RNLS: variants seen among roughly 807,000 people sequenced by gnomAD.
The protein encoded by RNLS is renalase.
Under a neutral mutation model 39.8 loss-of-function variants are expected in RNLS, and 39 were observed. That is an observed-to-expected ratio of 0.98 (90% CI 0.76 to 1.28). The LOEUF is 1.28. RNLS is among the 50% of genes most tolerant of loss of function. RNLS has a pLI of 0.00. For missense variants in RNLS, 410 were observed against 413.3 expected (o/e 0.99, Z 0.07); for synonymous variants, 147 against 150.7 (o/e 0.98, Z 0.18).
At chr10:88,504,470 TA>T (rs1845676663) in intron 4 of RNLS, among the ~76,000 whole-genome samples, 1 of 151,994 alleles carries the variant, frequency 6.6e-6, no homozygotes, top group South Asian at 2.1e-4. Context: ...CACAGGAAAA[TA>T]AACCTGAAAC....
intron 4 of RNLS, among the ~76,000 whole-genome samples, chr10:88,379,236 A>G (rs76955108): frequency 0.017 from 2,539 of 152,332 alleles, 81 homozygotes; most frequent in African/African-American, 0.058. Context: ...AATTAAATTA[A>G]TAACAGGGAA....
chr10:88,436,764 A>T (rs956266554), intron 4 of RNLS, among the ~76,000 whole-genome samples: 1 of 150,984 alleles, frequency 6.6e-6, no homozygotes, highest in Non-Finnish European at 1.5e-5. Context: ...TTTTTTTTTT[A>T]AAGGGAATGC....
chr10:88,344,889 G>T (rs537991011), intron 5 of RNLS, among the ~76,000 whole-genome samples: 2 of 152,074 alleles, frequency 1.3e-5, no homozygotes, highest in African/African-American at 2.4e-5. Flanking sequence ...ATTCTTTTCT[G>T]ATTCCAGTGC....
chr10:88,491,497 G>A (rs1844875725), intron 4 of RNLS, among the ~76,000 whole-genome samples: 1 of 152,012 alleles, frequency 6.6e-6, no homozygotes, highest in African/African-American at 2.4e-5. Context: ...CTGATGGCAG[G>A]GATATATGTT....
At chr10:88,202,807 T>G in the RNLS span, among the ~76,000 whole-genome samples, 1 of 152,162 alleles carries the variant, frequency 6.6e-6, no homozygotes, top group Non-Finnish European at 1.5e-5. Flanking sequence ...TGTACACAGC[T>G]GCTACATACA....
chr10:88,280,212 A>G (rs1053035884), downstream of RNLS, among the ~76,000 whole-genome samples: 96 of 152,276 alleles, frequency 6.3e-4, no homozygotes, highest in Non-Finnish European at 7.5e-4. Flanking sequence ...AAGCCTCACA[A>G]CAATCTTATG....
chr10:88,536,901 T>G (rs1275294407), intron 4 of RNLS, among the ~76,000 whole-genome samples: 1 of 152,222 alleles, frequency 6.6e-6, no homozygotes, highest in Non-Finnish European at 1.5e-5. Context: ...GTTGATTGTC[T>G]GTCTTCCACT....
At chr10:88,387,020 T>TAAAC (rs1851899202) in intron 4 of RNLS, among the ~76,000 whole-genome samples, 1 of 152,192 alleles carries the variant, frequency 6.6e-6, no homozygotes, top group South Asian at 2.1e-4. Context: ...CCAAAACACA[T>TAAAC]AAACAGAACT....
intron 6 of RNLS, 106 bp downstream of exon 6, chr10:88,314,358 CAT>C: frequency 8.6e-7 from 1 of 1,156,290 alleles, no homozygotes; most frequent in Non-Finnish European, 1.2e-6. Context: ...CCAAGGATCA[CAT>C]AGTTAATTTA....
At chr10:88,534,622 C>T (rs1847635295) in intron 4 of RNLS, among the ~76,000 whole-genome samples, 1 of 151,952 alleles carries the variant, frequency 6.6e-6, no homozygotes, top group Non-Finnish European at 1.5e-5. Flanking sequence ...TCAGCAATTC[C>T]ATCATAGGCT....
At chr10:88,192,616 G>T in the RNLS span, among the ~76,000 whole-genome samples, 1 of 152,126 alleles carries the variant, frequency 6.6e-6, no homozygotes, top group African/African-American at 2.4e-5. Context: ...CACCTAATAT[G>T]GTCTCAGGGA....
the RNLS span, among the ~76,000 whole-genome samples, chr10:88,215,591 C>G: frequency 4.6e-5 from 7 of 151,870 alleles, no homozygotes; most frequent in East Asian, 1.4e-3. Context: ...GTTTTGAGAA[C>G]AAGGCACCAG....
chr10:88,330,090 T>TAA (rs763861661), intron 5 of RNLS, among the ~76,000 whole-genome samples: 2 of 139,752 alleles, frequency 1.4e-5, no homozygotes, highest in Non-Finnish European at 1.6e-5. Flanking sequence ...TATATATATA[T>TAA]AAATATAAAT....
chr10:88,533,095 C>T (rs1847536017), intron 4 of RNLS, among the ~76,000 whole-genome samples: 1 of 152,046 alleles, frequency 6.6e-6, no homozygotes, highest in Admixed American at 6.6e-5. Context: ...TAAGAATTAG[C>T]ACATAATTTC....
chr10:88,253,513 A>G, the RNLS span, among the ~76,000 whole-genome samples: 1 of 152,198 alleles, frequency 6.6e-6, no homozygotes, highest in African/African-American at 2.4e-5. Flanking sequence ...CTATAGAAAC[A>G]TTTCTATAGG....
chr10:88,443,677 T>TGGCTTGGAGGGTCCCATGCCC (rs1841862037), intron 4 of RNLS, among the ~76,000 whole-genome samples: 2 of 152,266 alleles, frequency 1.3e-5, no homozygotes, highest in African/African-American at 4.8e-5. Context: ...ATCCCGTGCA[T>TGGCTTGGAGGGTCCCATGCCC]GGCTTGGAGG....
At chr10:88,555,576 T>C (rs1424516234) in intron 4 of RNLS, among the ~76,000 whole-genome samples, 2 of 152,156 alleles carry the variant, frequency 1.3e-5, no homozygotes, top group Non-Finnish European at 2.9e-5. Context: ...CACCAGAAGC[T>C]GAGCAGCTGC....
chr10:88,513,952 T>G (rs1484384699), intron 4 of RNLS, among the ~76,000 whole-genome samples: 1 of 152,062 alleles, frequency 6.6e-6, no homozygotes, highest in Non-Finnish European at 1.5e-5. Flanking sequence ...TCAACATTTT[T>G]TTTCATGTTT....
chr10:88,396,076 T>A (rs970110338), intron 4 of RNLS, among the ~76,000 whole-genome samples: 8 of 152,090 alleles, frequency 5.3e-5, no homozygotes, highest in Admixed American at 3.9e-4. Context: ...AATCTGCTCT[T>A]CAAAAACTAC....
Sources: allele counts gnomAD v4.1 joint callset (sites outside exome capture counted in the v4.1 genomes callset), GRCh38; gene constraint gnomAD v4.1.1; transcripts MANE v1.5; gene names NCBI Gene and HGNC (gene_info 2026-07-23, HGNC 2026-07-21).